KALRN: variants seen among roughly 807,000 people sequenced by gnomAD.
KALRN encodes the protein kalirin RhoGEF kinase.
Under a neutral mutation model 353.7 loss-of-function variants are expected in KALRN, and 70 were observed. The ratio of observed to expected loss-of-function variants is 0.20; its 90% CI spans 0.16 to 0.24. The LOEUF (loss-of-function observed/expected upper bound fraction) is 0.24, where lower values mean the gene tolerates loss of function less well. Ranked by LOEUF, KALRN falls within the 10% of genes least tolerant of loss-of-function variation. KALRN has a pLI of 1.00. For missense variants in KALRN, 2,791 were observed against 3,756.7 expected, an observed-to-expected ratio of 0.74 and a Z score of 6.72; for synonymous variants, 1,391 against 1,434.8, an observed-to-expected ratio of 0.97 and a Z score of 0.69.
At chr3:124,638,794 G>A (rs576327636) in intron 37 of KALRN, among the ~76,000 whole-genome samples, 1 of 152,220 alleles carries the variant, frequency 6.6e-6, no homozygotes, top group South Asian at 2.1e-4. Flanking sequence ...CAACTTACTG[G>A]GGTATGGGAA....
At chr3:124,307,576 A>AAGTTG (rs2077828220) in intron 6 of KALRN, among the ~76,000 whole-genome samples, 1 of 151,598 alleles carries the variant, frequency 6.6e-6, no homozygotes, top group Non-Finnish European at 1.5e-5. Flanking sequence ...TGATTCTGAT[A>AAGTTG]AGGTGTATAT....
chr3:124,714,281 C>T (rs1559884942), intron 58 of KALRN, among the ~76,000 whole-genome samples: 2 of 152,302 alleles, frequency 1.3e-5, no homozygotes, highest in Middle Eastern at 6.8e-3. Context: ...TACTTGTCCA[C>T]AGATGACAAC....
intron 31 of KALRN, chr3:124,491,782 C>T (rs1415230036): frequency 5.8e-6 from 1 of 173,258 alleles, no homozygotes; most frequent in Non-Finnish European, 1.2e-5. Context: ...ATTTGCTCCA[C>T]ATTCATTTGA....
chr3:124,227,906 G>A, intron 1 of KALRN, 84 bp from the exon 2 acceptor site: 2 of 1,076,208 alleles, frequency 1.9e-6, no homozygotes, highest in Admixed American at 1.7e-5. Context: ...GCTGATGATG[G>A]GATTGGGAGA....
At chr3:124,336,829 G>A (rs759166561) in intron 9 of KALRN, among the ~76,000 whole-genome samples, 2 of 152,110 alleles carry the variant, frequency 1.3e-5, no homozygotes, top group African/African-American at 4.8e-5. Flanking sequence ...GCAGTGGTTT[G>A]TAGTTCTCCT....
intron 51 of KALRN, among the ~76,000 whole-genome samples, chr3:124,684,310 C>T (rs904968880): frequency 5.3e-5 from 8 of 152,148 alleles, no homozygotes; most frequent in Non-Finnish European, 1.2e-4. Flanking sequence ...TAACCTAAAA[C>T]ACAGATCCTG....
chr3:124,418,138 C>T (rs1176467662), intron 14 of KALRN, among the ~76,000 whole-genome samples: 2 of 146,812 alleles, frequency 1.4e-5, no homozygotes, highest in East Asian at 4.1e-4. Flanking sequence ...GAAAAAAAAT[C>T]TGTGGGCTTT....
At chr3:124,634,024 G>C in intron 36 of KALRN, 71 bp downstream of exon 36, 2 of 1,108,430 alleles carry the variant, frequency 1.8e-6, no homozygotes, top group Non-Finnish European at 2.7e-6. Context: ...GTGTGTGATG[G>C]GGGTAGTCAT....
At position 124,365,472 on chromosome 3, in the gene KALRN, C is replaced by T. The variant is rs76983460; in HGVS notation, c.1770+18207C>T. On this transcript the variant is annotated intron_variant, in intron 10 of 59. Coordinates refer to ENST00000682506, the MANE Select transcript of KALRN (RefSeq NM_001388419.1). Reference sequence around the variant, plus strand: ...CTCTAGAGCAGCCGTGTGCCTGACACCTACATTTCTGCTGGATGATGATGA... The same window carrying T: ...CTCTAGAGCAGCCGTGTGCCTGACATCTACATTTCTGCTGGATGATGATGA... 4.6e-3 allele frequency among the ~76,000 whole-genome samples: 696 copies of T among 152,264 alleles called. 4 individuals are homozygous for T. Among genetic ancestry groups the T allele is most frequent in the Middle Eastern group, 0.044 (13 of 294 alleles).
chr3:124,068,529 CCT>C (rs1254355789), intron 1 of KALRN, among the ~76,000 whole-genome samples: 7 of 152,144 alleles, frequency 4.6e-5, no homozygotes, highest in Admixed American at 4.6e-4. Context: ...TCTAGCAGCA[CCT>C]CTGTTTCCAC....
intron 33 of KALRN, among the ~76,000 whole-genome samples, chr3:124,560,691 A>C (rs941487185): frequency 3.3e-5 from 5 of 152,212 alleles, no homozygotes; most frequent in African/African-American, 4.8e-5. Flanking sequence ...TGTCGCTACA[A>C]AAATAAAAAT....
rs1277263473 is a variant in KALRN at position 124,152,672 on chromosome 3, C to G, written c.74-75318C>G. 2.0e-5 allele frequency among the ~76,000 whole-genome samples: 3 copies of G among 147,614 alleles called. No individual in the cohort carries two copies. The South Asian group carries it at 6.5e-4, about 32-fold the overall frequency. ...GCAGTGGTGCAATCGAGGCTCACTG[C>G]AACCTCTGCTGCCCGGGTTCAAGCG... On this transcript the variant is annotated intron_variant, in intron 1 of 59. Transcript: ENST00000682506.
chr3:124,693,201 C>T (rs779278256), intron 51 of KALRN, among the ~76,000 whole-genome samples: 2 of 152,184 alleles, frequency 1.3e-5, no homozygotes, highest in Non-Finnish European at 2.9e-5. Context: ...TATAGGAGAT[C>T]ATGCTTGAGA....
At chr3:124,470,626 G>A (rs1403294108) in intron 25 of KALRN, among the ~76,000 whole-genome samples, 1 of 152,154 alleles carries the variant, frequency 6.6e-6, no homozygotes, top group Non-Finnish European at 1.5e-5. Context: ...TGGAATCTAG[G>A]ACAGTTGCCT....
intron 56 of KALRN, among the ~76,000 whole-genome samples, chr3:124,701,128 T>C (rs1190325947): frequency 6.6e-6 from 1 of 152,176 alleles, no homozygotes. Context: ...TGATGCTGTG[T>C]GTTTTGCTAT....
At chr3:124,660,100 T>G (rs921484557) in intron 43 of KALRN, among the ~76,000 whole-genome samples, 5 of 151,794 alleles carry the variant, frequency 3.3e-5, no homozygotes, top group African/African-American at 1.2e-4. Flanking sequence ...CCTGGCTAAT[T>G]TTTTATTTTT....
At chr3:124,454,120 C>A (rs2059066979) in intron 21 of KALRN, among the ~76,000 whole-genome samples, 1 of 152,226 alleles carries the variant, frequency 6.6e-6, no homozygotes, top group Non-Finnish European at 1.5e-5. Flanking sequence ...TTATTAACCT[C>A]TTTCTCCTGC....
At chr3:124,351,358 A>G (rs2082814864) in intron 10 of KALRN, among the ~76,000 whole-genome samples, 1 of 152,070 alleles carries the variant, frequency 6.6e-6, no homozygotes, top group Admixed American at 6.5e-5. Flanking sequence ...TATAAGCAAT[A>G]CTCTAAAGGA....
chr3:124,395,862 C>G (rs951893737), intron 12 of KALRN, among the ~76,000 whole-genome samples: 6 of 152,188 alleles, frequency 3.9e-5, no homozygotes, highest in African/African-American at 1.4e-4. Flanking sequence ...TTTTACCATT[C>G]CTTGCTGCCC....
Sources: gnomAD v4.1 joint callset for allele counts (sites outside exome capture counted in the v4.1 genomes callset) on GRCh38, gnomAD v4.1.1 for gene constraint, MANE v1.5 for transcripts, NCBI Gene and HGNC (gene_info 2026-07-23, HGNC 2026-07-21) for gene names.